The following EXOC2 variants were observed in gnomAD, a reference collection of about 807,000 sequenced individuals.
EXOC2 encodes the protein SEC5-like 1.
A neutral mutation model predicts 131.8 loss-of-function variants in EXOC2; 70 were observed. The ratio of observed to expected loss-of-function variants is 0.53; its 90% CI spans 0.44 to 0.65. The LOEUF (loss-of-function observed/expected upper bound fraction) is 0.65. EXOC2 is among the 30% of genes least tolerant of loss of function. The pLI is 0.00. For missense variants in EXOC2, 923 were observed against 1,108.6 expected (o/e 0.83, Z 2.38); for synonymous variants, 411 against 398.4 (o/e 1.03, Z -0.38).
chr6:612,243 T>A (rs1432418589), intron 6 of EXOC2, among the ~76,000 whole-genome samples: 1 of 152,242 alleles, frequency 6.6e-6, no homozygotes, highest in African/African-American at 2.4e-5. Flanking sequence ...CTATCACATA[T>A]TCTTCTTTTT....
At chr6:583,687 G>A (rs770045828) in intron 11 of EXOC2, among the ~76,000 whole-genome samples, 10 of 152,178 alleles carry the variant, frequency 6.6e-5, no homozygotes, top group Non-Finnish European at 1.2e-4. Context: ...CATACATAGC[G>A]CAGCTTATAC....
At chr6:561,242 C>G (rs1757684137) in intron 17 of EXOC2, among the ~76,000 whole-genome samples, 1 of 152,112 alleles carries the variant, frequency 6.6e-6, no homozygotes, top group Non-Finnish European at 1.5e-5. Context: ...CCCCAGAAGA[C>G]AGTCCATGAG....
intron 23 of EXOC2, among the ~76,000 whole-genome samples, chr6:524,007 CA>C (rs1413636849): frequency 2.0e-5 from 3 of 151,920 alleles, no homozygotes; most frequent in Non-Finnish European, 4.4e-5. Flanking sequence ...ATGCTTCCAC[CA>C]AAACTGAAAA....
chr6:608,309 T>C (rs1760532509), intron 7 of EXOC2, among the ~76,000 whole-genome samples: 1 of 152,168 alleles, frequency 6.6e-6, no homozygotes, highest in African/African-American at 2.4e-5. Context: ...ACAACCAGAG[T>C]TAAATAAACG....
chr6:644,159 C>T (rs1441877232), intron 1 of EXOC2, among the ~76,000 whole-genome samples: 1 of 152,066 alleles, frequency 6.6e-6, no homozygotes, highest in Non-Finnish European at 1.5e-5. Flanking sequence ...ACATCATGAT[C>T]AAGTAGGGTT....
intron 1 of EXOC2, among the ~76,000 whole-genome samples, chr6:679,888 T>A (rs572677239): frequency 3.3e-5 from 5 of 152,222 alleles, no homozygotes; most frequent in Non-Finnish European, 7.3e-5. Flanking sequence ...GAAGGAAGTA[T>A]TCTAAAATGC....
intron 11 of EXOC2, among the ~76,000 whole-genome samples, chr6:591,171 C>T (rs1338186751): frequency 6.6e-6 from 1 of 152,204 alleles, no homozygotes; most frequent in Non-Finnish European, 1.5e-5. Flanking sequence ...TCACCAGCTT[C>T]ACTGCTCTGG....
chr6:581,363 G>C (rs1758893190), intron 11 of EXOC2, among the ~76,000 whole-genome samples: 1 of 151,750 alleles, frequency 6.6e-6, no homozygotes, highest in Non-Finnish European at 1.5e-5. Context: ...ATGGACTTCA[G>C]CCTGGCTATC....
At chr6:647,536 C>G (rs543352193) in intron 1 of EXOC2, among the ~76,000 whole-genome samples, 1 of 142,090 alleles carries the variant, frequency 7.0e-6, no homozygotes, top group Non-Finnish European at 1.5e-5. Context: ...TTCCTGGTGA[C>G]CGGATCTGTA....
intron 17 of EXOC2, among the ~76,000 whole-genome samples, chr6:558,632 T>C (rs1757545197): frequency 6.6e-6 from 1 of 151,974 alleles, no homozygotes; most frequent in Admixed American, 6.5e-5. Context: ...GCCAACATGA[T>C]GAAACCCCAT....
chr6:548,590 C>T (rs1250902611), intron 22 of EXOC2, among the ~76,000 whole-genome samples: 6 of 152,286 alleles, frequency 3.9e-5, no homozygotes, highest in South Asian at 2.1e-4. Context: ...AATCTTTCTG[C>T]GTGCAGTGAT....
At chr6:576,910 G>A (rs190236432) in intron 11 of EXOC2, 28 bp from the exon 12 acceptor site, 2 of 1,610,170 alleles carry the variant, frequency 1.2e-6, no homozygotes, top group East Asian at 4.5e-5. Flanking sequence ...GATATACAGA[G>A]TATATAGCAT....
At chr6:613,503 C>A (rs144338170) in intron 6 of EXOC2, among the ~76,000 whole-genome samples, 1 of 152,192 alleles carries the variant, frequency 6.6e-6, no homozygotes, top group Non-Finnish European at 1.5e-5. Context: ...CTGATTTGTA[C>A]CTGTCCCCTG....
At chr6:502,815 A>G (rs189220533) in intron 23 of EXOC2, among the ~76,000 whole-genome samples, 26 of 152,370 alleles carry the variant, frequency 1.7e-4, no homozygotes, top group Admixed American at 1.7e-3. Flanking sequence ...AAAAAAGGAA[A>G]TAATTGCCTT....
intron 11 of EXOC2, among the ~76,000 whole-genome samples, chr6:579,025 T>C (rs753069274): frequency 4.5e-4 from 68 of 152,270 alleles, no homozygotes; most frequent in Non-Finnish European, 9.0e-4. Context: ...TTCTAATTTA[T>C]ATTAAAATGT....
chr6:677,613 C>T (rs570809122), intron 1 of EXOC2, among the ~76,000 whole-genome samples: 2 of 152,116 alleles, frequency 1.3e-5, no homozygotes, highest in East Asian at 1.9e-4. Flanking sequence ...GGATAACAGG[C>T]GTGCACCACC....
intron 25 of EXOC2, among the ~76,000 whole-genome samples, chr6:492,494 G>C (rs772936069): frequency 1.3e-5 from 2 of 152,148 alleles, no homozygotes; most frequent in Admixed American, 1.3e-4. Context: ...TCAAAGGTGG[G>C]AAAACCACAA....
chr6:659,863 A>G (rs534615148), intron 1 of EXOC2, among the ~76,000 whole-genome samples: 2 of 152,328 alleles, frequency 1.3e-5, no homozygotes, highest in Admixed American at 1.3e-4. Context: ...CCTCCTGGCC[A>G]GAACTTGGGA....
chr6:518,163 C>T (rs1013509959), intron 23 of EXOC2, among the ~76,000 whole-genome samples: 2 of 152,094 alleles, frequency 1.3e-5, no homozygotes, highest in South Asian at 2.1e-4. Flanking sequence ...ATTATGATTA[C>T]GTTTCTTTAA....
Sources: allele counts gnomAD v4.1 joint callset (sites outside exome capture counted in the v4.1 genomes callset), GRCh38; gene constraint gnomAD v4.1.1; transcripts MANE v1.5; gene names NCBI Gene and HGNC (gene_info 2026-07-23, HGNC 2026-07-21).